Variants in TC2N observed in about 807,000 individuals in gnomAD.
TC2N encodes tandem C2 domains nuclear protein.
Under a neutral mutation model 61.9 loss-of-function variants are expected in TC2N, and 51 were observed. That is an observed-to-expected ratio of 0.82 (90% confidence interval 0.66 to 1.04). The LOEUF (loss-of-function observed/expected upper bound fraction) is 1.04. Among genes scored for constraint, TC2N ranks in the 50% least tolerant of loss-of-function variants. TC2N has a pLI of 0.00. For missense variants in TC2N, 556 were observed against 566.7 expected, an observed-to-expected ratio of 0.98 and a Z score of 0.19; for synonymous variants, 204 against 192.6, an observed-to-expected ratio of 1.06 and a Z score of -0.49.
intron 1 of TC2N, among the ~76,000 whole-genome samples, chr14:91,858,216 C>T (rs1486781253): frequency 5.6e-5 from 8 of 141,990 alleles, no homozygotes; most frequent in Non-Finnish European, 1.2e-4. Flanking sequence ...TGGTCTCAAA[C>T]CCCTGGCCTC....
intron 1 of TC2N, among the ~76,000 whole-genome samples, chr14:91,835,998 C>G (rs1184271780): frequency 6.6e-6 from 1 of 152,126 alleles, no homozygotes; most frequent in Non-Finnish European, 1.5e-5. Context: ...GGGACCTAGC[C>G]TCGCCCCGTC....
chr14:91,826,306 T>G (rs2139887223), intron 1 of TC2N, among the ~76,000 whole-genome samples: 2 of 113,204 alleles, frequency 1.8e-5, no homozygotes, highest in African/African-American at 3.5e-5. Flanking sequence ...GGTGACAGGG[T>G]GAGACCTTGT....
intron 1 of TC2N, among the ~76,000 whole-genome samples, chr14:91,831,537 G>A (rs1318563546): frequency 1.3e-5 from 2 of 152,196 alleles, no homozygotes; most frequent in East Asian, 3.8e-4. Flanking sequence ...AAACAGATCT[G>A]TTTTAGAAAG....
intron 9 of TC2N, among the ~76,000 whole-genome samples, chr14:91,792,044 A>G (rs1470715049): frequency 2.0e-5 from 3 of 151,988 alleles, no homozygotes; most frequent in African/African-American, 7.3e-5. Context: ...GCGTGAACCC[A>G]GGAGGCGGAG....
At chr14:91,826,992 TTTAG>T (rs1309448400) in intron 1 of TC2N, among the ~76,000 whole-genome samples, 2 of 152,232 alleles carry the variant, frequency 1.3e-5, no homozygotes, top group African/African-American at 2.4e-5. Context: ...ATAAATAGCA[TTTAG>T]TTAAAGTGTT....
chr14:91,858,781 C>T (rs897374122), intron 1 of TC2N, among the ~76,000 whole-genome samples: 3 of 152,102 alleles, frequency 2.0e-5, no homozygotes, highest in Non-Finnish European at 4.4e-5. Context: ...TGGACTGACC[C>T]CCTGCGAGTG....
chr14:91,806,820 A>C (rs1163088173), intron 3 of TC2N, among the ~76,000 whole-genome samples: 12 of 152,228 alleles, frequency 7.9e-5, no homozygotes, highest in Admixed American at 7.2e-4. Context: ...CCAAATGTTA[A>C]TCATCAAGAC....
chr14:91,861,709 G>A (rs1195975855), intron 1 of TC2N, among the ~76,000 whole-genome samples: 1 of 152,170 alleles, frequency 6.6e-6, no homozygotes, highest in Non-Finnish European at 1.5e-5. Flanking sequence ...GATCACCTGA[G>A]GTCAGGAGTT....
chr14:91,788,932 A>G (rs1432742217), intron 9 of TC2N, among the ~76,000 whole-genome samples: 1 of 149,122 alleles, frequency 6.7e-6, no homozygotes, highest in Non-Finnish European at 1.5e-5. Flanking sequence ...TGAACTAACA[A>G]CTTTTCACAT....
intron 3 of TC2N, 96 bp from the exon 4 acceptor site, chr14:91,802,517 C>A: frequency 9.3e-7 from 1 of 1,070,740 alleles, no homozygotes; most frequent in Non-Finnish European, 1.4e-6. Flanking sequence ...AATATTTTGT[C>A]TCAAGTAATA....
rs1370375647 is a variant in TC2N, at chr14:91,787,605, A to C, written c.1070T>G (p.Leu357Trp). ...KISVCHAELE[L>W]GTCFQAVNSR... is the part of the protein sequence containing the mutation. ...ATTTACTGCTTGAAAACAAGTCCCCAATTCAAGTTCTGCATGGCAAACCTG... is the reference window on the plus strand; with the variant it reads ...ATTTACTGCTTGAAAACAAGTCCCCCATTCAAGTTCTGCATGGCAAACCTG... The change falls in exon 10 of 12, where the codon TTG becomes TGG. Residue 357 changes from leucine to tryptophan, a missense_variant. Transcript: ENST00000435962. The C allele has an allele frequency of 8.1e-6, 13 of 1,611,400 alleles. No individual in the cohort carries two copies. The highest frequency in any genetic ancestry group is 1.1e-5 in the South Asian group (1 of 90,546).
At chr14:91,851,768 C>T (rs1199937542) in intron 1 of TC2N, among the ~76,000 whole-genome samples, 1 of 152,146 alleles carries the variant, frequency 6.6e-6, no homozygotes, top group Non-Finnish European at 1.5e-5. Flanking sequence ...GCAAACAGAC[C>T]TCCACACTGT....
intron 1 of TC2N, among the ~76,000 whole-genome samples, chr14:91,838,065 A>T (rs150886670): frequency 6.6e-6 from 1 of 152,050 alleles, no homozygotes; most frequent in Non-Finnish European, 1.5e-5. Context: ...TTGCCCAAAC[A>T]TACAGTCAAG....
Position 91,783,129 on chromosome 14 carries a change from T to A in TC2N, c.1444A>T (p.Ile482Phe). Residue 482 changes from isoleucine (I) to phenylalanine (F), a missense_variant, in exon 12 of 12, where the codon ATC (isoleucine) becomes TTC (phenylalanine). Coordinates refer to ENST00000435962, the MANE Select transcript of TC2N (RefSeq NM_001128596.3). ...GATGGATTTAATTTGTGCCACCTGA[T>A]AACAACCTTTTCTGGATTTATTACT... ...ETVINPEKVVIRWHKLNPS is the reference protein window; with the variant it reads ...ETVINPEKVVFRWHKLNPS The A allele has an allele frequency of 3.7e-6, 6 of 1,611,184 alleles. No individual in the cohort carries two copies. Among genetic ancestry groups the A allele is most frequent in the Non-Finnish European group, 5.1e-6 (6 of 1,177,956 alleles).
intron 1 of TC2N, among the ~76,000 whole-genome samples, chr14:91,815,477 A>G (rs530670830): frequency 1.3e-5 from 2 of 151,854 alleles, no homozygotes; most frequent in African/African-American, 4.8e-5. Context: ...TTTTACATTT[A>G]CCAGGAAATT....
At chr14:91,822,371 C>T (rs1887292131) in intron 1 of TC2N, among the ~76,000 whole-genome samples, 1 of 152,106 alleles carries the variant, frequency 6.6e-6, no homozygotes, top group African/African-American at 2.4e-5. Flanking sequence ...AATAATTATG[C>T]TGGGCAAAAG....
intron 3 of TC2N, among the ~76,000 whole-genome samples, chr14:91,810,408 T>C (rs912521758): frequency 2.0e-5 from 3 of 151,952 alleles, no homozygotes; most frequent in East Asian, 3.9e-4. Context: ...GAAGGGAGGA[T>C]GGGAGAAAGG....
chr14:91,785,024 T>G, intron 11 of TC2N, 138 bp downstream of exon 11: 1 of 548,776 alleles, frequency 1.8e-6, no homozygotes, highest in Non-Finnish European at 3.0e-6. Context: ...AGTTTCGATT[T>G]TTGTAGCAAT....
intron 8 of TC2N, among the ~76,000 whole-genome samples, chr14:91,793,358 A>G (rs916327880): frequency 5.3e-5 from 8 of 152,182 alleles, no homozygotes; most frequent in African/African-American, 9.7e-5. Context: ...AAAAGGCAAG[A>G]TATCTGGGCA....
Sources: allele counts gnomAD v4.1 joint callset (sites outside exome capture counted in the v4.1 genomes callset), GRCh38; gene constraint gnomAD v4.1.1; transcripts MANE v1.5; gene names NCBI Gene and HGNC (gene_info 2026-07-23, HGNC 2026-07-21).